The following ANXA13 variants were observed in gnomAD, a reference collection of about 807,000 sequenced individuals.
The protein encoded by ANXA13 is annexin A13, also known as annexin XIII.
Under a neutral mutation model 46.6 loss-of-function variants are expected in ANXA13, and 36 were observed. The observed-to-expected ratio is 0.77, with a 90% CI of 0.59 to 1.02. The LOEUF (loss-of-function observed/expected upper bound fraction) is 1.02. Ranked by LOEUF, ANXA13 falls within the 50% of genes least tolerant of loss-of-function variation. The pLI, the probability that ANXA13 is intolerant of heterozygous loss-of-function variation, is 0.00. For missense variants in ANXA13, 417 were observed against 396.5 expected (o/e 1.05, Z -0.44); for synonymous variants, 163 against 152.9 (o/e 1.07, Z -0.49).
At chr8:123,728,846 A>T (rs895183912) in intron 1 of ANXA13, among the ~76,000 whole-genome samples, 3 of 152,120 alleles carry the variant, frequency 2.0e-5, no homozygotes, top group Admixed American at 6.6e-5. Context: ...TTAGTCTATT[A>T]TTTCTTTAAA....
intron 1 of ANXA13, among the ~76,000 whole-genome samples, chr8:123,735,518 G>T (rs1814240705): frequency 6.6e-6 from 1 of 151,894 alleles, no homozygotes; most frequent in Admixed American, 6.6e-5. Context: ...TCAAGGAGTT[G>T]TTAATGAGAC....
chr8:123,717,053 A>G (rs1456252416), intron 1 of ANXA13, among the ~76,000 whole-genome samples: 2 of 152,206 alleles, frequency 1.3e-5, no homozygotes, highest in South Asian at 4.1e-4. Context: ...ATTTTTTGAC[A>G]GTGCTTGCAC....
chr8:123,719,311 C>CTCTCTT (rs551848019), intron 1 of ANXA13, among the ~76,000 whole-genome samples: 3 of 152,136 alleles, frequency 2.0e-5, no homozygotes, highest in Middle Eastern at 3.2e-3. Context: ...TTATTTTTCC[C>CTCTCTT]TCTCTTTCTC....
At chr8:123,736,627 A>G (rs1472346512) in intron 1 of ANXA13, among the ~76,000 whole-genome samples, 1 of 152,218 alleles carries the variant, frequency 6.6e-6, no homozygotes, top group Non-Finnish European at 1.5e-5. Context: ...AATATTTGCA[A>G]CATGAACCTA....
chr8:123,721,263 C>T (rs991965575), intron 1 of ANXA13, among the ~76,000 whole-genome samples: 17 of 152,096 alleles, frequency 1.1e-4, no homozygotes, highest in African/African-American at 4.1e-4. Context: ...CTTAAGAATA[C>T]TACAGATTTA....
chr8:123,682,249 A>G (rs1250597764), intron 10 of ANXA13, among the ~76,000 whole-genome samples: 1 of 152,242 alleles, frequency 6.6e-6, no homozygotes, highest in Non-Finnish European at 1.5e-5. Context: ...TGGAAGCTTG[A>G]AAAACCCAGG....
chr8:123,696,517 C>T (rs6984562), intron 4 of ANXA13, among the ~76,000 whole-genome samples: 33,347 of 151,966 alleles, frequency 0.22, 4,725 homozygotes, highest in South Asian at 0.43. Context: ...TCAGTTTACA[C>T]TTGAACCAGC....
At chr8:123,688,499 C>T (rs1813178500) in intron 9 of ANXA13, among the ~76,000 whole-genome samples, 1 of 152,144 alleles carries the variant, frequency 6.6e-6, no homozygotes. Flanking sequence ...CACTCAGATG[C>T]CCTATTCAGG....
At chr8:123,699,363 T>C (rs1328186868) in intron 3 of ANXA13, among the ~76,000 whole-genome samples, 1 of 152,114 alleles carries the variant, frequency 6.6e-6, no homozygotes, top group Non-Finnish European at 1.5e-5. Flanking sequence ...AATTTTTTTG[T>C]GTAGAGATGG....
rs116344597 is a variant in ANXA13, at chr8:123,720,187, C to T, written c.16-7434G>A. Among the ~76,000 whole-genome samples the T allele has an allele frequency of 7.0e-3, 1,064 of 152,198 alleles. 16 individuals are homozygous for T. Among genetic ancestry groups the T allele is most frequent in the African/African-American group, 0.025 (1,034 of 41,504 alleles). On this transcript the variant is annotated intron_variant, in intron 1 of 10. Coordinates refer to ENST00000419625, the MANE Select transcript of ANXA13 (RefSeq NM_004306.4). ...TGGGCTGTGAGCCAGGAGGGGCCCC[C>T]GGGAAGAGCCAGGGAGCAGAGGGCA...
At position 123,712,520 on chromosome 8, in the gene ANXA13, G is replaced by A. The variant is rs566737991; in HGVS notation, c.91+158C>T. 36 of 660,806 alleles carry A rather than the reference G, an allele frequency of 5.4e-5. No individual in the cohort carries two copies. The Middle Eastern group carries it at 1.0e-3, about 19-fold the overall frequency. 40.9% of individuals were successfully genotyped at this position (660,806 alleles called of 1,614,324 possible). ...TAATAGGATCCTACTGTAATTTTGC[G>A]AACTTTAATAAAGAGGTTAGTGGAA... is the stretch of plus-strand genomic sequence containing the variant. On this transcript the variant is annotated intron_variant, in intron 2 of 10. Transcript: ENST00000419625.
chr8:123,708,553 C>T (rs745957683), intron 2 of ANXA13, among the ~76,000 whole-genome samples: 3 of 152,196 alleles, frequency 2.0e-5, no homozygotes, highest in Non-Finnish European at 4.4e-5. Context: ...CTCATTTCTC[C>T]TTTGGAAATG....
intron 2 of ANXA13, among the ~76,000 whole-genome samples, chr8:123,707,075 G>A (rs7014704): frequency 2.0e-5 from 3 of 152,154 alleles, no homozygotes; most frequent in African/African-American, 4.8e-5. Context: ...CAAATTCCAC[G>A]GGAGCAGAGT....
At position 123,702,910 on chromosome 8, in the gene ANXA13, T is replaced by C. The variant is rs143860269; in HGVS notation, c.92-174A>G. Among the ~76,000 whole-genome samples the C allele has an allele frequency of 1.5e-4, 23 of 152,292 alleles. No homozygotes were observed. In the East Asian group the frequency reaches 4.2e-3, roughly 28 times the overall value. ...TGTGCTGAAAACTGTATTCTTTTCATTCACTTAGACAAATAGCCATTGAGG... is the reference window on the plus strand; with the variant it reads ...TGTGCTGAAAACTGTATTCTTTTCACTCACTTAGACAAATAGCCATTGAGG... On this transcript the variant is annotated intron_variant, in intron 2 of 10. Transcript: ENST00000419625.
At chr8:123,719,858 C>A (rs138702566) in intron 1 of ANXA13, among the ~76,000 whole-genome samples, 4 of 152,170 alleles carry the variant, frequency 2.6e-5, no homozygotes, top group African/African-American at 7.2e-5. Context: ...CGTCTCTGAG[C>A]CTTAGTTGTC....
At chr8:123,712,501 G>A (rs757629466) in intron 2 of ANXA13, 177 bp downstream of exon 2, 17 of 618,464 alleles carry the variant, frequency 2.7e-5, no homozygotes, top group Non-Finnish European at 4.4e-5. Context: ...AAAGTAATAG[G>A]ATCCTACTGT....
chr8:123,731,663 C>T (rs767344475), intron 1 of ANXA13, among the ~76,000 whole-genome samples: 6 of 152,018 alleles, frequency 3.9e-5, no homozygotes, highest in South Asian at 2.1e-4. Flanking sequence ...TCTTGAGCCC[C>T]GGAGTTCTAG....
intron 4 of ANXA13, among the ~76,000 whole-genome samples, chr8:123,697,001 C>A (rs1266693196): frequency 6.6e-6 from 1 of 152,196 alleles, no homozygotes; most frequent in East Asian, 1.9e-4. Context: ...CCTCCGCCTC[C>A]CGGGTTCAAG....
At chr8:123,707,077 G>A (rs530719352) in intron 2 of ANXA13, among the ~76,000 whole-genome samples, 1 of 152,192 alleles carries the variant, frequency 6.6e-6, no homozygotes, top group Non-Finnish European at 1.5e-5. Context: ...AATTCCACGG[G>A]AGCAGAGTAT....
Sources: allele counts gnomAD v4.1 joint callset (sites outside exome capture counted in the v4.1 genomes callset), GRCh38; gene constraint gnomAD v4.1.1; transcripts MANE v1.5; gene names NCBI Gene and HGNC (gene_info 2026-07-23, HGNC 2026-07-21).